MYBPC1: variants seen among roughly 807,000 people sequenced by gnomAD.
MYBPC1 encodes the protein myosin binding protein C1, also known as myosin-binding protein C, slow-type.
In MYBPC1, 52 loss-of-function variants were observed where a neutral mutation model predicts 147.1. The observed-to-expected ratio is 0.35, with a 90% CI of 0.28 to 0.45. MYBPC1 has a LOEUF of 0.45. Among genes scored for constraint, MYBPC1 ranks in the 20% least tolerant of loss-of-function variants. MYBPC1 has a pLI of 1.00. For synonymous variants in MYBPC1, 477 were observed against 475.9 expected (o/e 1.00, Z -0.03); for missense variants, 1,228 against 1,440.3 (o/e 0.85, Z 2.39).
At chr12:101,658,152 G>A (rs1180841784) in intron 18 of MYBPC1, among the ~76,000 whole-genome samples, 13 of 142,072 alleles carry the variant, frequency 9.2e-5, no homozygotes, top group Admixed American at 7.0e-5. Flanking sequence ...AAAAAAAAGA[G>A]CAAATCAAAC....
intron 1 of MYBPC1, among the ~76,000 whole-genome samples, chr12:101,613,630 C>T (rs369336007): frequency 2.0e-5 from 3 of 152,182 alleles, no homozygotes; most frequent in South Asian, 4.1e-4. Context: ...CATGTGGATG[C>T]CTTTACCTAC....
intron 10 of MYBPC1, among the ~76,000 whole-genome samples, chr12:101,641,784 T>C (rs913420094): frequency 2.6e-5 from 4 of 151,630 alleles, no homozygotes; most frequent in East Asian, 1.9e-4. Flanking sequence ...TCAGTATCCA[T>C]AAAAACCATG....
chr12:101,659,364 G>T (rs1205675653), intron 18 of MYBPC1, among the ~76,000 whole-genome samples: 1 of 152,106 alleles, frequency 6.6e-6, no homozygotes, highest in Non-Finnish European at 1.5e-5. Flanking sequence ...GTGGCTAGTG[G>T]GCTTTGGGAT....
At chr12:101,602,764 T>G (rs1019312115) in intron 1 of MYBPC1, among the ~76,000 whole-genome samples, 4 of 152,158 alleles carry the variant, frequency 2.6e-5, no homozygotes, top group Admixed American at 2.6e-4. Context: ...ACCACTATAT[T>G]TCCTTCTTTT....
chr12:101,651,597 A>G (rs111712626), intron 16 of MYBPC1, among the ~76,000 whole-genome samples: 2 of 152,216 alleles, frequency 1.3e-5, no homozygotes, highest in African/African-American at 4.8e-5. Flanking sequence ...TGTACCTCAC[A>G]CTATGGTACT....
intron 3 of MYBPC1, among the ~76,000 whole-genome samples, chr12:101,626,471 T>G (rs1888642450): frequency 6.6e-6 from 1 of 152,222 alleles, no homozygotes; most frequent in Non-Finnish European, 1.5e-5. Flanking sequence ...CTTTTATGTC[T>G]GTGTCCAAAC....
chr12:101,643,572 A>G lies in MYBPC1; in HGVS notation c.832+987A>G, dbSNP rs573138976. 2.0e-5 allele frequency among the ~76,000 whole-genome samples: 3 copies of G among 152,332 alleles called. No homozygotes were observed. In the East Asian group the frequency reaches 5.8e-4, roughly 29 times the overall value. On this transcript the variant is annotated intron_variant, in intron 11 of 31. Transcript: ENST00000361466. ...ACAGTGAGCTTACCTAAACAATAGTATAATAAGGTTGGAATGATGGAAATA... is the reference window on the plus strand; with the variant it reads ...ACAGTGAGCTTACCTAAACAATAGTGTAATAAGGTTGGAATGATGGAAATA...
intron 2 of MYBPC1, chr12:101,614,918 G>T (rs903178827): frequency 2.0e-5 from 6 of 305,754 alleles, no homozygotes; most frequent in African/African-American, 1.3e-4. Context: ...ATGAGAGTGG[G>T]GAGTGGATCC....
chr12:101,680,023 GC>G (rs777193659), intron 28 of MYBPC1, among the ~76,000 whole-genome samples: 8 of 152,140 alleles, frequency 5.3e-5, no homozygotes, highest in Non-Finnish European at 8.8e-5. Flanking sequence ...TACATTCGAT[GC>G]CCAGAACTTG....
chr12:101,615,273 T>A (rs1046200737), intron 2 of MYBPC1, among the ~76,000 whole-genome samples: 3 of 151,936 alleles, frequency 2.0e-5, no homozygotes, highest in African/African-American at 7.3e-5. Flanking sequence ...CTCTTCAGAG[T>A]CATTTATCAG....
intron 1 of MYBPC1, among the ~76,000 whole-genome samples, chr12:101,607,837 C>G (rs146460098): frequency 2.6e-5 from 4 of 152,202 alleles, no homozygotes; most frequent in African/African-American, 9.6e-5. Flanking sequence ...TAAAAAGAGA[C>G]AGGTTAATTA....
rs1199175266 is a variant in MYBPC1 at position 101,661,309 on chromosome 12, C to G, written c.2032+47C>G. The G allele has an allele frequency of 2.5e-6, 3 of 1,191,042 alleles. No homozygotes were observed. The African/African-American group carries it at 4.5e-5, about 18-fold the overall frequency. 73.8% of individuals were successfully genotyped at this position (1,191,042 alleles called of 1,614,324 possible). A position where few individuals can be genotyped will look rare whatever the true frequency, so the allele number is the denominator to read the frequency against. ...TGTGTAACTGCCAGTACAGTTGTGT[C>G]CTCTTTACGCATCTTAGTACAGAGC... On this transcript the variant is annotated intron_variant, in intron 20 of 31. Transcript: ENST00000361466.
intron 3 of MYBPC1, among the ~76,000 whole-genome samples, chr12:101,617,804 C>A (rs561025826): frequency 6.6e-6 from 1 of 152,250 alleles, no homozygotes; most frequent in South Asian, 2.1e-4. Flanking sequence ...CCTATTTTTA[C>A]TTTATATGGA....
At chr12:101,672,431 G>A (rs1276269411) in intron 24 of MYBPC1, among the ~76,000 whole-genome samples, 1 of 152,130 alleles carries the variant, frequency 6.6e-6, no homozygotes, top group African/African-American at 2.4e-5. Flanking sequence ...TTCATGAATG[G>A]GATTATGATT....
At chr12:101,687,619 T>C (rs1270193036), downstream of MYBPC1, among the ~76,000 whole-genome samples, 2 of 152,222 alleles carry the variant, frequency 1.3e-5, no homozygotes, top group Non-Finnish European at 2.9e-5. Context: ...TATAAAGACA[T>C]GAAAACCTTA....
chr12:101,658,706 G>A (rs1490679394), intron 18 of MYBPC1, among the ~76,000 whole-genome samples: 1 of 152,228 alleles, frequency 6.6e-6, no homozygotes, highest in East Asian at 1.9e-4. Flanking sequence ...AAACAAAAGA[G>A]AACATCTATT....
chr12:101,632,166 T>C, intron 8 of MYBPC1, 28 bp downstream of exon 8: 4 of 1,483,906 alleles, frequency 2.7e-6, no homozygotes, highest in Non-Finnish European at 3.8e-6. Flanking sequence ...CCTAGATAAA[T>C]GTAATTTTTT....
intron 24 of MYBPC1, among the ~76,000 whole-genome samples, chr12:101,672,508 G>A (rs1898938725): frequency 6.6e-6 from 1 of 152,166 alleles, no homozygotes; most frequent in African/African-American, 2.4e-5. Context: ...TTCTAGACAA[G>A]TCTAAAATGA....
At position 101,676,873 on chromosome 12, in the gene MYBPC1, A is replaced by G. The variant is rs540639151; in HGVS notation, c.2950-362A>G. Among the ~76,000 whole-genome samples, 12 of 152,336 alleles carry G rather than the reference A, an allele frequency of 7.9e-5. No individual in the cohort carries two copies. The South Asian group carries it at 2.3e-3, about 29-fold the overall frequency. On this transcript the variant is annotated intron_variant, in intron 26 of 31. Coordinates refer to ENST00000361466, the MANE Select transcript of MYBPC1 (RefSeq NM_002465.4). Reference sequence around the variant, plus strand: ...CACTAAAATTCTGTAGTTATACTTTATTCTACAAAAGATAGCTAGGAAGAC... The same window carrying G: ...CACTAAAATTCTGTAGTTATACTTTGTTCTACAAAAGATAGCTAGGAAGAC...
Sources: gnomAD v4.1 joint callset for allele counts (sites outside exome capture counted in the v4.1 genomes callset) on GRCh38, gnomAD v4.1.1 for gene constraint, MANE v1.5 for transcripts, NCBI Gene and HGNC (gene_info 2026-07-23, HGNC 2026-07-21) for gene names.